Variants in SCUBE1 observed in about 807,000 individuals in gnomAD.
SCUBE1 encodes signal peptide, CUB and EGF-like domain-containing protein 1.
SCUBE1 carries 59 observed loss-of-function variants against 124.4 expected under a neutral mutation model. That is an observed-to-expected ratio of 0.47 (90% CI 0.38 to 0.59). The LOEUF (loss-of-function observed/expected upper bound fraction) is 0.59, where lower values mean the gene tolerates loss of function less well. Among genes scored for constraint, SCUBE1 ranks in the 20% least tolerant of loss-of-function variants. The pLI, the probability that SCUBE1 is intolerant of heterozygous loss-of-function variation, is 0.00. For synonymous variants in SCUBE1, 545 were observed against 550.9 expected (o/e 0.99, Z 0.15); for missense variants, 1,150 against 1,371.2 (o/e 0.84, Z 2.55).
intron 6 of SCUBE1, among the ~76,000 whole-genome samples, chr22:43,257,296 G>A (rs941411028): frequency 3.9e-5 from 6 of 152,144 alleles, no homozygotes; most frequent in African/African-American, 7.2e-5. Context: ...CCAGATTGAC[G>A]ATAAGAAATG....
In SCUBE1 at chr22:43,258,396, G is replaced by T. The variant is rs1249218434; in HGVS notation, c.611-61C>A. 7.8e-7 allele frequency: 1 copy of T among 1,279,188 alleles called. No homozygotes were observed. The allele number at this position is 1,279,188 out of a possible 1,614,324, so 79.2% of individuals were successfully genotyped here. A position where few individuals can be genotyped will look rare whatever the true frequency, so the allele number is the denominator to read the frequency against. ...ACAGAACAACAAAAACGGTTAGTTT[G>T]CCGGTGTTGGCGGCTGCCTTCAGGG... On this transcript the variant is annotated intron_variant, in intron 5 of 21. Transcript: ENST00000360835. This position sits in a 1 kb window ranked among gnomAD's most constrained non-coding sequence, Gnocchi z 5.0.
At chr22:43,240,256 C>T (rs973189633) in intron 6 of SCUBE1, among the ~76,000 whole-genome samples, 6 of 152,130 alleles carry the variant, frequency 3.9e-5, no homozygotes, top group African/African-American at 1.2e-4. Flanking sequence ...CTTCCTGGCT[C>T]GTCCTCTGTG....
intron 3 of SCUBE1, among the ~76,000 whole-genome samples, chr22:43,313,734 C>T (rs1348648070): frequency 6.6e-6 from 1 of 152,178 alleles, no homozygotes; most frequent in East Asian, 1.9e-4. Flanking sequence ...CCCCAGAGGA[C>T]AGACTTGGCC....
At chr22:43,305,143 C>T (rs1014517361) in intron 3 of SCUBE1, among the ~76,000 whole-genome samples, 6 of 152,138 alleles carry the variant, frequency 3.9e-5, no homozygotes, top group East Asian at 3.9e-4. Context: ...TGCCGGAATA[C>T]GGAGGAGAAG....
intron 1 of SCUBE1, among the ~76,000 whole-genome samples, chr22:43,341,005 C>T (rs764663157): frequency 6.7e-6 from 1 of 150,096 alleles, no homozygotes; most frequent in Non-Finnish European, 1.5e-5. Flanking sequence ...TCCTTCTTTG[C>T]CCTAGCCCCT....
At chr22:43,242,886 C>T (rs564360908) in intron 6 of SCUBE1, among the ~76,000 whole-genome samples, 10 of 152,048 alleles carry the variant, frequency 6.6e-5, no homozygotes, top group Admixed American at 2.0e-4. Context: ...CTCACAGCAG[C>T]CCCGGGGGAC....
chr22:43,213,723 C>T (rs1226356108), intron 16 of SCUBE1: 4 of 169,712 alleles, frequency 2.4e-5, no homozygotes, highest in South Asian at 3.8e-4. Context: ...TGGAATGTTC[C>T]GTAAAATGTA....
chr22:43,343,306 G>C lies in SCUBE1; in HGVS notation c.-45C>G, dbSNP rs1278822212. ...GGGCGTGCGGGCGTGCGGGGCGCGGGGACCCGACCGACCGGCCGCTCCCGC... is the reference window on the plus strand; with the variant it reads ...GGGCGTGCGGGCGTGCGGGGCGCGGCGACCCGACCGACCGGCCGCTCCCGC... On this transcript the variant is annotated 5_prime_UTR_variant, in exon 1 of 22. Coordinates refer to ENST00000360835, the MANE Select transcript of SCUBE1 (RefSeq NM_173050.5). The C allele has an allele frequency of 7.1e-6, 7 of 984,894 alleles. No homozygotes were observed. The African/African-American group carries it at 8.7e-5, about 12-fold the overall frequency. 61.0% of individuals were successfully genotyped at this position (984,894 alleles called of 1,614,324 possible). A position where few individuals can be genotyped will look rare whatever the true frequency, so the allele number is the denominator to read the frequency against.
In SCUBE1 at chr22:43,200,496, T is replaced by G. The variant is rs1482912170; in HGVS notation, c.*3501A>C. On this transcript the variant is annotated 3_prime_UTR_variant, in exon 22 of 22. Transcript: ENST00000360835. ...AACCAGGTGGAATAGCCACCTCACA[T>G]CAGTCAAGCTGCCATTGGCTTCGAC... 6.6e-6 allele frequency: 1 copy of G among 152,368 alleles called. No homozygotes were observed. The highest frequency in any genetic ancestry group is 1.5e-5 in the Non-Finnish European group (1 of 68,138). 9.4% of individuals were successfully genotyped at this position (152,368 alleles called of 1,614,324 possible).
At chr22:43,284,999 G>T (rs576202487) in intron 4 of SCUBE1, among the ~76,000 whole-genome samples, 1 of 152,126 alleles carries the variant, frequency 6.6e-6, no homozygotes, top group African/African-American at 2.4e-5. Flanking sequence ...AACAAACTCC[G>T]AACGTTAACC....
intron 2 of SCUBE1, among the ~76,000 whole-genome samples, chr22:43,320,791 A>C (rs1926517213): frequency 6.6e-6 from 1 of 152,230 alleles, no homozygotes; most frequent in Non-Finnish European, 1.5e-5. Flanking sequence ...AGGCACAGTG[A>C]GGCTAAAACC....
chr22:43,279,772 A>G (rs775623975), intron 4 of SCUBE1, among the ~76,000 whole-genome samples: 2 of 152,180 alleles, frequency 1.3e-5, no homozygotes, highest in Non-Finnish European at 2.9e-5. Flanking sequence ...GGACCCTCCT[A>G]CAGCCTGTGA....
At chr22:43,285,613 C>T (rs1925108590) in intron 4 of SCUBE1, among the ~76,000 whole-genome samples, 2 of 152,220 alleles carry the variant, frequency 1.3e-5, no homozygotes, top group Admixed American at 6.5e-5. Flanking sequence ...TCAGAATGGG[C>T]TGTCCAGTGG....
At chr22:43,205,879 CCA>C (rs1446068619) in intron 21 of SCUBE1, among the ~76,000 whole-genome samples, 1 of 111,660 alleles carries the variant, frequency 9.0e-6, no homozygotes, top group Non-Finnish European at 1.9e-5. Flanking sequence ...ACCACACCCA[CCA>C]CACACCCCTC....
chr22:43,233,136 G>A (rs897830977), intron 7 of SCUBE1, among the ~76,000 whole-genome samples: 28 of 152,208 alleles, frequency 1.8e-4, no homozygotes, highest in Admixed American at 3.9e-4. Context: ...AGGCTGAGGC[G>A]GGCGGATCAC....
chr22:43,258,299 C>G lies in SCUBE1; in HGVS notation c.647G>C (p.Ser216Thr). Residue 216 changes from serine (S) to threonine (T), a missense_variant, in exon 6 of 22, where the codon AGC becomes ACC. Coordinates refer to ENST00000360835, the MANE Select transcript of SCUBE1 (RefSeq NM_173050.5). This position sits in a 1 kb window ranked among gnomAD's most constrained non-coding sequence, Gnocchi z 5.0. Reference sequence around the variant, plus strand: ...GGGGCCTGTGTCTGTGTCCTCACAGCTGTGCTGGCAGCCTCCGTTTCCATA... The same window carrying G: ...GGGGCCTGTGTCTGTGTCCTCACAGGTGTGCTGGCAGCCTCCGTTTCCATA... ...CNYGNGGCQH[S>T]CEDTDTGPTC... is the part of the protein sequence containing the mutation. The G allele has an allele frequency of 6.2e-7, 1 of 1,614,158 alleles. No individual in the cohort carries two copies. The highest frequency in any genetic ancestry group is 8.5e-7 in the Non-Finnish European group (1 of 1,179,978).
Position 43,262,735 on chromosome 22 carries a change from G to T in SCUBE1, c.595C>A (p.Gln199Lys). The T allele has an allele frequency of 6.2e-7, 1 of 1,614,136 alleles. No homozygotes were observed. Among genetic ancestry groups the T allele is most frequent in the Non-Finnish European group, 8.5e-7 (1 of 1,180,004 alleles). Residue 199 changes from glutamine to lysine, a missense_variant, in exon 5 of 22, where the codon CAG becomes AAG. Transcript: ENST00000360835. ...CTCTACCTACGTGTGCAGTCCTTCT[G>T]GTTTTGGGCAAGGTCAAAGCCGGGC... ...CRPGFDLAQN[Q>K]KDCTLTCNYG...
chr22:43,240,965 G>A (rs528521409), intron 6 of SCUBE1, among the ~76,000 whole-genome samples: 5 of 152,158 alleles, frequency 3.3e-5, no homozygotes, highest in Admixed American at 6.5e-5. Context: ...TGCAGAGGGT[G>A]GGGGAGACAG....
chr22:43,222,581 G>C (rs572397447), intron 12 of SCUBE1, 57 bp downstream of exon 12: 2 of 1,316,172 alleles, frequency 1.5e-6, no homozygotes. Context: ...CCAGCATGTT[G>C]CTGGATGCAG....
Sources: gnomAD v4.1 joint callset for allele counts (sites outside exome capture counted in the v4.1 genomes callset) on GRCh38, gnomAD v4.1.1 for gene constraint, Gnocchi (gnomAD v3.1) non-coding constraint, MANE v1.5 for transcripts, NCBI Gene and HGNC (gene_info 2026-07-23, HGNC 2026-07-21) for gene names.